Variants in TUNAR observed in about 807,000 individuals in gnomAD.
TUNAR encodes the protein transmembrane neural differentiation associated intracellular calcium regulator.
chr14:95,887,234 A>G (rs1889093156), intron 2 of TUNAR, among the ~76,000 whole-genome samples: 1 of 152,178 alleles, frequency 6.6e-6, no homozygotes, highest in African/African-American at 2.4e-5. Flanking sequence ...CGCTGGCTCC[A>G]TCTCTTTCTT....
At chr14:95,879,229 C>T (rs374754823) in intron 2 of TUNAR, among the ~76,000 whole-genome samples, 24 of 152,076 alleles carry the variant, frequency 1.6e-4, no homozygotes, top group Admixed American at 1.3e-3. Flanking sequence ...AAAGTGTTGC[C>T]GAATCCCAAA....
intron 2 of TUNAR, among the ~76,000 whole-genome samples, chr14:95,913,822 T>A (rs1889558206): frequency 6.6e-6 from 1 of 152,058 alleles, no homozygotes; most frequent in African/African-American, 2.4e-5. Context: ...AACCTCCGCC[T>A]CCCAGGTTCA....
intron 2 of TUNAR, among the ~76,000 whole-genome samples, chr14:95,896,858 C>T (rs1889276963): frequency 6.6e-6 from 1 of 152,228 alleles, no homozygotes; most frequent in Non-Finnish European, 1.5e-5. Flanking sequence ...TGGGAAGCCT[C>T]CTCACCACAG....
chr14:95,896,161 C>T lies in TUNAR; in HGVS notation c.12+18984C>T, dbSNP rs199657646. 8.5e-5 allele frequency among the ~76,000 whole-genome samples: 13 copies of T among 152,316 alleles called. No homozygotes were observed. In the East Asian group the frequency reaches 2.3e-3, roughly 27 times the overall value. ...TCGCTGGCCCCACTCCTGTGCACCTCTCACTGCACCTACCCACCTGCTGCC... is the reference window on the plus strand; with the variant it reads ...TCGCTGGCCCCACTCCTGTGCACCTTTCACTGCACCTACCCACCTGCTGCC... On this transcript the variant is annotated intron_variant, in intron 2 of 2. Coordinates refer to ENST00000678517, the Ensembl canonical transcript of TUNAR.
intron 2 of TUNAR, among the ~76,000 whole-genome samples, chr14:95,882,168 T>G (rs1240312682): frequency 6.6e-6 from 1 of 152,232 alleles, no homozygotes; most frequent in Admixed American, 6.5e-5. Context: ...GGAATAACAT[T>G]GCGTGTCCTC....
intron 2 of TUNAR, among the ~76,000 whole-genome samples, chr14:95,892,289 A>G (rs2139657729): frequency 6.6e-6 from 1 of 152,372 alleles, no homozygotes; most frequent in East Asian, 1.9e-4. Context: ...GGCTGTGCTC[A>G]TGAGTCCCTC....
chr14:95,890,320 C>T (rs116503773), intron 2 of TUNAR, among the ~76,000 whole-genome samples: 1,562 of 152,322 alleles, frequency 0.01, 20 homozygotes, highest in African/African-American at 0.036. Context: ...TCTCCAACTT[C>T]AGGTTTTTCT....
At chr14:95,896,736 T>G (rs938942349) in intron 2 of TUNAR, among the ~76,000 whole-genome samples, 2 of 152,226 alleles carry the variant, frequency 1.3e-5, no homozygotes, top group Non-Finnish European at 2.9e-5. Flanking sequence ...AACATTTATT[T>G]TCCATTTGTA....
intron 2 of TUNAR, among the ~76,000 whole-genome samples, chr14:95,889,139 T>C (rs1889126159): frequency 6.6e-6 from 1 of 151,884 alleles, no homozygotes; most frequent in African/African-American, 2.4e-5. Flanking sequence ...GCAGACCACC[T>C]CCCCTCCCCT....
At chr14:95,885,979 C>G (rs1469001103) in intron 2 of TUNAR, among the ~76,000 whole-genome samples, 1 of 152,148 alleles carries the variant, frequency 6.6e-6, no homozygotes, top group Non-Finnish European at 1.5e-5. Context: ...TCCACCAGCC[C>G]TGCTGGGGCT....
intron 2 of TUNAR, among the ~76,000 whole-genome samples, chr14:95,886,374 G>A (rs1340290950): frequency 6.6e-6 from 1 of 152,270 alleles, no homozygotes; most frequent in Non-Finnish European, 1.5e-5. Context: ...ACATGAAGAA[G>A]GGAAGAGTGT....
At chr14:95,919,728 A>ATAG (rs1290670237) in intron 2 of TUNAR, among the ~76,000 whole-genome samples, 1 of 152,080 alleles carries the variant, frequency 6.6e-6, no homozygotes, top group Non-Finnish European at 1.5e-5. Flanking sequence ...AATAATAATA[A>ATAG]TAGTAATAAT....
At chr14:95,892,536 G>A (rs1250970741) in intron 2 of TUNAR, among the ~76,000 whole-genome samples, 1 of 152,252 alleles carries the variant, frequency 6.6e-6, no homozygotes, top group African/African-American at 2.4e-5. Flanking sequence ...GGTGGCTGAG[G>A]AAGCTATGTT....
intron 2 of TUNAR, among the ~76,000 whole-genome samples, chr14:95,891,890 G>A: frequency 6.6e-6 from 1 of 152,178 alleles, no homozygotes; most frequent in East Asian, 1.9e-4. Flanking sequence ...GCAATCCTTG[G>A]CATTCTTGCC....
At chr14:95,890,072 C>T (rs144208903) in intron 2 of TUNAR, among the ~76,000 whole-genome samples, 118 of 152,114 alleles carry the variant, frequency 7.8e-4, no homozygotes, top group African/African-American at 2.5e-3. Context: ...TATTCACAGG[C>T]GCAGTCACTG....
chr14:95,923,202 C>CCCCT (rs1349581131), exon 3 of TUNAR: 2 of 354,096 alleles, frequency 5.6e-6, no homozygotes, highest in Non-Finnish European at 1.0e-5. Context: ...AGGAACTCAA[C>CCCCT]GTCTTTGGCA....
intron 2 of TUNAR, among the ~76,000 whole-genome samples, chr14:95,888,955 G>A (rs533017103): frequency 1.9e-4 from 29 of 152,282 alleles, no homozygotes; most frequent in South Asian, 4.1e-4. Context: ...GAGCATGGCC[G>A]TCACCCCTCT....
intron 2 of TUNAR, among the ~76,000 whole-genome samples, chr14:95,900,800 A>G (rs1328907566): frequency 6.6e-6 from 1 of 152,164 alleles, no homozygotes; most frequent in Non-Finnish European, 1.5e-5. Flanking sequence ...ACAGTTCATG[A>G]CAAAAGGGGA....
intron 2 of TUNAR, among the ~76,000 whole-genome samples, chr14:95,919,247 A>G (rs1176716448): frequency 1.3e-5 from 2 of 152,254 alleles, no homozygotes. Context: ...AGCAGTATCC[A>G]CTAATGTCAA....
Sources: allele counts gnomAD v4.1 joint callset (sites outside exome capture counted in the v4.1 genomes callset), GRCh38; gene constraint gnomAD v4.1.1; transcripts MANE v1.5; gene names NCBI Gene and HGNC (gene_info 2026-07-23, HGNC 2026-07-21).